Variants in SNCAIP observed in about 807,000 individuals in gnomAD.
SNCAIP encodes the protein synuclein alpha interacting protein.
A neutral mutation model predicts 86.7 loss-of-function variants in SNCAIP; 43 were observed. That is an observed-to-expected ratio of 0.50 (90% CI 0.39 to 0.64). The LOEUF (loss-of-function observed/expected upper bound fraction) is 0.64, where lower values mean the gene tolerates loss of function less well. SNCAIP is among the 30% of genes least tolerant of loss of function. The probability of loss-of-function intolerance (pLI) is 0.00; values close to 1 mark genes in which losing one functional copy is unlikely to be tolerated. For synonymous variants in SNCAIP, 417 were observed against 427.2 expected (o/e 0.98, Z 0.29); for missense variants, 981 against 1,103.1 (o/e 0.89, Z 1.57).
chr5:122,386,271 T>C (rs1238867846), intron 1 of SNCAIP, among the ~76,000 whole-genome samples: 1 of 152,194 alleles, frequency 6.6e-6, no homozygotes, highest in Non-Finnish European at 1.5e-5. Flanking sequence ...AAGGAGGCTA[T>C]TTTTTTAATT....
intron 10 of SNCAIP, among the ~76,000 whole-genome samples, chr5:122,455,922 T>C (rs1470051043): frequency 6.6e-5 from 10 of 152,228 alleles, no homozygotes; most frequent in Non-Finnish European, 1.3e-4. Flanking sequence ...TATCTTTACT[T>C]TATCTTACAA....
chr5:122,415,172 G>A (rs527880478), intron 3 of SNCAIP, among the ~76,000 whole-genome samples: 173 of 152,248 alleles, frequency 1.1e-3, no homozygotes, highest in Non-Finnish European at 2.0e-3. Context: ...GCCACTTTCC[G>A]CTGTTCCTCC....
intron 8 of SNCAIP, among the ~76,000 whole-genome samples, chr5:122,446,568 G>C (rs1253773789): frequency 6.6e-6 from 1 of 152,210 alleles, no homozygotes; most frequent in African/African-American, 2.4e-5. Context: ...GTTGTCTCCA[G>C]AACAGAATGC....
intron 6 of SNCAIP, among the ~76,000 whole-genome samples, chr5:122,439,417 G>A (rs1780292931): frequency 1.3e-5 from 2 of 152,112 alleles, no homozygotes; most frequent in Non-Finnish European, 2.9e-5. Context: ...GCTCTTTAGG[G>A]GTCTTACTCC....
intron 1 of SNCAIP, among the ~76,000 whole-genome samples, chr5:122,384,537 T>C (rs1428426787): frequency 1.3e-5 from 2 of 152,186 alleles, no homozygotes; most frequent in African/African-American, 4.8e-5. Flanking sequence ...CTTGGTTTCC[T>C]TATCTCCACA....
intron 1 of SNCAIP, among the ~76,000 whole-genome samples, chr5:122,333,647 C>T (rs1181722235): frequency 6.6e-6 from 1 of 152,230 alleles, no homozygotes; most frequent in African/African-American, 2.4e-5. Flanking sequence ...TTTGAAACTA[C>T]ATCTTATATT....
At chr5:122,337,832 G>A (rs1020286320) in intron 1 of SNCAIP, among the ~76,000 whole-genome samples, 4 of 152,290 alleles carry the variant, frequency 2.6e-5, no homozygotes, top group South Asian at 2.1e-4. Context: ...GAGCCCCTGC[G>A]CCCTGCCTCC....
intron 2 of SNCAIP, among the ~76,000 whole-genome samples, chr5:122,395,858 C>G (rs1770501003): frequency 6.6e-6 from 1 of 152,146 alleles, no homozygotes; most frequent in African/African-American, 2.4e-5. Flanking sequence ...GCCTCCCCTT[C>G]TCTCTAGCAA....
chr5:122,328,953 G>C (rs188707398), intron 1 of SNCAIP, among the ~76,000 whole-genome samples: 17 of 152,192 alleles, frequency 1.1e-4, no homozygotes, highest in Admixed American at 9.2e-4. Flanking sequence ...TTCTTACCCT[G>C]TCAACTCATT....
chr5:122,384,157 A>G (rs1228539963), intron 1 of SNCAIP, among the ~76,000 whole-genome samples: 1 of 152,226 alleles, frequency 6.6e-6, no homozygotes. Flanking sequence ...CCCATGATTC[A>G]GAGCAGTCCA....
chr5:122,382,013 A>T (rs1580852078), intron 1 of SNCAIP, among the ~76,000 whole-genome samples: 2 of 151,888 alleles, frequency 1.3e-5, no homozygotes, highest in South Asian at 2.1e-4. Flanking sequence ...TCTGACAATT[A>T]TGTGTCTTGG....
intron 1 of SNCAIP, among the ~76,000 whole-genome samples, chr5:122,367,183 A>G (rs928383113): frequency 6.6e-6 from 1 of 152,118 alleles, no homozygotes; most frequent in Non-Finnish European, 1.5e-5. Context: ...ACACATAGGT[A>G]TTAGTGGGTG....
intron 6 of SNCAIP, among the ~76,000 whole-genome samples, chr5:122,436,330 T>G (rs573568694): frequency 6.6e-6 from 1 of 152,248 alleles, no homozygotes; most frequent in South Asian, 2.1e-4. Flanking sequence ...AAAAGCCACA[T>G]TGCCCAACCC....
At chr5:122,388,537 T>C (rs1768690671) in intron 1 of SNCAIP, 2 of 152,232 alleles carry the variant, frequency 1.3e-5, no homozygotes, top group East Asian at 1.9e-4. Flanking sequence ...CCTGACCTTA[T>C]TGCTTCCTAT....
intron 3 of SNCAIP, among the ~76,000 whole-genome samples, chr5:122,411,296 G>A (rs555060976): frequency 4.9e-4 from 75 of 152,260 alleles, no homozygotes; most frequent in African/African-American, 1.3e-3. Flanking sequence ...TGGCTTTGCC[G>A]TGACTTCCTT....
chr5:122,326,918 A>C (rs1754205307), intron 1 of SNCAIP, among the ~76,000 whole-genome samples: 1 of 148,656 alleles, frequency 6.7e-6, no homozygotes, highest in Non-Finnish European at 1.5e-5. Context: ...TGGACACTTA[A>C]CATATATAAA....
At chr5:122,343,583 A>G (rs567746055) in intron 1 of SNCAIP, among the ~76,000 whole-genome samples, 1 of 152,334 alleles carries the variant, frequency 6.6e-6, no homozygotes, top group Admixed American at 6.5e-5. Flanking sequence ...TGCTCAAACG[A>G]TGAGACTCTG....
chr5:122,315,705 C>A (rs757318550), intron 1 of SNCAIP, among the ~76,000 whole-genome samples: 7 of 151,990 alleles, frequency 4.6e-5, no homozygotes, highest in Non-Finnish European at 8.8e-5. Flanking sequence ...TCTATAAACC[C>A]CAGGTAGAGG....
chr5:122,366,473 G>A (rs1763219875), intron 1 of SNCAIP, among the ~76,000 whole-genome samples: 1 of 152,208 alleles, frequency 6.6e-6, no homozygotes, highest in Non-Finnish European at 1.5e-5. Context: ...AAGGAGCCTA[G>A]GAAATATCAT....
Sources: allele counts gnomAD v4.1 joint callset (sites outside exome capture counted in the v4.1 genomes callset), GRCh38; gene constraint gnomAD v4.1.1; transcripts MANE v1.5; gene names NCBI Gene and HGNC (gene_info 2026-07-23, HGNC 2026-07-21).